Variants in RP1 observed in about 807,000 individuals in gnomAD.
RP1 encodes oxygen-regulated protein 1.
A neutral mutation model predicts 14.8 loss-of-function variants in RP1; 16 were observed. That is an observed-to-expected ratio of 1.08 (90% CI 0.73 to 1.65). RP1 has a LOEUF of 1.65. Among genes scored for constraint, RP1 ranks in the 40% most tolerant of loss-of-function variants. RP1 has a pLI of 0.00. For missense variants in RP1, 2,631 were observed against 2,535.0 expected, an observed-to-expected ratio of 1.04 and a Z score of -0.81; for synonymous variants, 876 against 883.6, an observed-to-expected ratio of 0.99 and a Z score of 0.15.
At chr8:54,696,569 G>A in intron 12 of RP1, 1 of 730,438 alleles carries the variant, frequency 1.4e-6, no homozygotes, top group Non-Finnish European at 2.4e-6. Context: ...ATTCCTACAT[G>A]ACTCCTGGCA....
At position 54,621,646 on chromosome 8, in the gene RP1, TGG is replaced by T; in HGVS notation, c.615+67_615+68del. 4 of 1,609,808 alleles carry T rather than the reference TGG, an allele frequency of 2.5e-6. No individual in the cohort carries two copies. In the South Asian group the frequency reaches 4.4e-5, roughly 18 times the overall value. Reference sequence around the variant, plus strand: ...GAGCACCCTACTAATTGGATTCGTGTGGGATATGAATGGTGGCCCCCGGGAAG... The same window carrying T: ...GAGCACCCTACTAATTGGATTCGTGTGATATGAATGGTGGCCCCCGGGAAG... On this transcript the variant is annotated intron_variant, in intron 2 of 3. Coordinates refer to ENST00000220676, the MANE Select transcript of RP1 (RefSeq NM_006269.2).
chr8:54,741,137 G>A (rs1809074813), intron 19 of RP1, among the ~76,000 whole-genome samples: 1 of 151,962 alleles, frequency 6.6e-6, no homozygotes, highest in Non-Finnish European at 1.5e-5. Flanking sequence ...TATTACAAAA[G>A]AGTCAAAAAG....
At chr8:54,710,827 G>T (rs1419475293) in intron 15 of RP1, among the ~76,000 whole-genome samples, 2 of 152,126 alleles carry the variant, frequency 1.3e-5, no homozygotes, top group Non-Finnish European at 2.9e-5. Context: ...GGCACAGGAT[G>T]GGGAGGTGGG....
chr8:54,786,962 T>C (rs904021600), intron 24 of RP1, among the ~76,000 whole-genome samples: 1 of 152,152 alleles, frequency 6.6e-6, no homozygotes, highest in African/African-American at 2.4e-5. Flanking sequence ...GAAAATTTCC[T>C]TTTATATAAC....
intron 22 of RP1, among the ~76,000 whole-genome samples, chr8:54,767,229 A>G (rs1253207876): frequency 1.3e-5 from 2 of 152,198 alleles, no homozygotes; most frequent in South Asian, 4.1e-4. Context: ...GTTATTATCC[A>G]TAATTTATAA....
chr8:54,580,012 T>C (rs1345946653), intron 1 of RP1, among the ~76,000 whole-genome samples: 1 of 152,118 alleles, frequency 6.6e-6, no homozygotes, highest in Non-Finnish European at 1.5e-5. Flanking sequence ...CAACAAACCC[T>C]GACAAAGGTG....
intron 23 of RP1, among the ~76,000 whole-genome samples, chr8:54,781,227 C>T (rs763270547): frequency 5.9e-5 from 9 of 152,040 alleles, no homozygotes; most frequent in Non-Finnish European, 1.0e-4. Flanking sequence ...GCATAGTCAA[C>T]GAACTTTTTT....
intron 1 of RP1, among the ~76,000 whole-genome samples, chr8:54,561,521 G>T (rs79540697): frequency 4.0e-5 from 2 of 50,536 alleles, no homozygotes; most frequent in Non-Finnish European, 1.4e-4. Flanking sequence ...CATTACCATG[G>T]TTGAAGGATT....
chr8:54,625,898 G>T lies in RP1; in HGVS notation c.2016G>T (p.Lys672Asn), dbSNP rs200252967. 199 of 1,613,570 alleles carry T rather than the reference G, an allele frequency of 1.2e-4. No individual in the cohort carries two copies. Among genetic ancestry groups the T allele is most frequent in the Non-Finnish European group, 1.7e-4 (197 of 1,179,880 alleles). The change falls in exon 4 of 4, where the codon AAG becomes AAT. Residue 672 changes from lysine to asparagine, a missense_variant. Coordinates refer to ENST00000220676, the MANE Select transcript of RP1 (RefSeq NM_006269.2). ...KKILSSVASK[K>N]KKKSRQQAIN... ...TTTTGTCATCTGTTGCCAGCAAAAA[G>T]AAGAAAAAATCTCGACAGCAAGCAA...
At chr8:54,614,688 C>G (rs375917909), upstream of RP1, among the ~76,000 whole-genome samples, 17 of 152,266 alleles carry the variant, frequency 1.1e-4, no homozygotes, top group African/African-American at 4.1e-4. Context: ...AAATGGAGAG[C>G]CCATTTTGTG....
chr8:54,601,357 G>C (rs1383853676), intron 1 of RP1, among the ~76,000 whole-genome samples: 1 of 150,646 alleles, frequency 6.6e-6, no homozygotes, highest in Non-Finnish European at 1.5e-5. Context: ...TCACTCATAG[G>C]TGGGAATTGA....
chr8:54,868,288 T>G (rs1812502460), intron 28 of RP1, among the ~76,000 whole-genome samples: 1 of 152,162 alleles, frequency 6.6e-6, no homozygotes, highest in African/African-American at 2.4e-5. Context: ...TGAAAATATT[T>G]AAGATGGTTT....
intron 25 of RP1, among the ~76,000 whole-genome samples, chr8:54,840,169 T>A (rs1191854153): frequency 6.6e-6 from 1 of 152,178 alleles, no homozygotes; most frequent in Non-Finnish European, 1.5e-5. Flanking sequence ...AATATTGAAA[T>A]CCATGGTACT....
In RP1 at chr8:54,753,662, G is replaced by A. The variant is rs140902465; in HGVS notation, c.2809-1141G>A. ...ATAGCACATGAGGGAGAAGTATCTA[G>A]CAAGATTATGACCCAACCATGAACT... On this transcript the variant is annotated intron_variant, in intron 19 of 22. Coordinates refer to the RP1 transcript ENST00000636932. Among the ~76,000 whole-genome samples, 725 of 152,322 alleles carry A rather than the reference G, an allele frequency of 4.8e-3. 27 individuals carry two copies. The highest frequency in any genetic ancestry group is 0.044 in the Admixed American group (670 of 15,306).
chr8:54,781,545 C>G (rs1043413526), intron 23 of RP1, among the ~76,000 whole-genome samples: 1 of 152,112 alleles, frequency 6.6e-6, no homozygotes, highest in Non-Finnish European at 1.5e-5. Flanking sequence ...AATACAAAAA[C>G]TGTAAACATA....
chr8:54,703,591 C>A (rs1248881026), intron 14 of RP1, among the ~76,000 whole-genome samples: 1 of 152,162 alleles, frequency 6.6e-6, no homozygotes, highest in Admixed American at 6.6e-5. Flanking sequence ...CTGGCTTCAA[C>A]TGAAAGTCAC....
intron 24 of RP1, among the ~76,000 whole-genome samples, chr8:54,802,633 A>G (rs1810740332): frequency 6.6e-6 from 1 of 152,172 alleles, no homozygotes; most frequent in African/African-American, 2.4e-5. Context: ...ATTCATTTCA[A>G]TGTCGTTCAG....
chr8:54,669,869 G>A (rs1283652239), intron 7 of RP1, among the ~76,000 whole-genome samples: 2 of 149,752 alleles, frequency 1.3e-5, no homozygotes, highest in Non-Finnish European at 1.5e-5. Context: ...ACACACAGGG[G>A]CCTGTGGTGG....
chr8:54,592,671 A>G (rs1452488805), intron 1 of RP1, among the ~76,000 whole-genome samples: 1 of 152,138 alleles, frequency 6.6e-6, no homozygotes, highest in Non-Finnish European at 1.5e-5. Context: ...TATTTTTCTT[A>G]TATAACAGGA....
Sources: gnomAD v4.1 joint callset for allele counts (sites outside exome capture counted in the v4.1 genomes callset) on GRCh38, gnomAD v4.1.1 for gene constraint, MANE v1.5 for transcripts, NCBI Gene and HGNC (gene_info 2026-07-23, HGNC 2026-07-21) for gene names.